The following DHX30 variants were observed in gnomAD, a reference collection of about 807,000 sequenced individuals.
DHX30 encodes DExH-box helicase 30, also known as ATP-dependent RNA helicase DHX30.
A neutral mutation model predicts 116.9 loss-of-function variants in DHX30; 4 were observed. That is an observed-to-expected ratio of 0.03 (90% CI 0.02 to 0.08). The LOEUF is 0.08. Ranked by LOEUF, DHX30 falls within the 10% of genes least tolerant of loss-of-function variation. The pLI is 1.00. For missense variants in DHX30, 871 were observed against 1,595.1 expected (o/e 0.55, Z 7.73); for synonymous variants, 697 against 651.7 (o/e 1.07, Z -1.06).
chr3:47,849,201 A>G lies in DHX30; in HGVS notation c.2939A>G (p.Lys980Arg), dbSNP rs2037856998. The change falls in exon 19 of 22, where the codon AAG (lysine) becomes AGG (arginine). Residue 980 changes from lysine to arginine, a missense_variant. Physicochemically the swap from Lys to Arg is conservative, Grantham distance 26 (BLOSUM62 2). This residue lies in a region of DHX30 where 238 missense variants were observed against 481.0 expected (regional missense o/e 0.49). Transcript: ENST00000445061. Reference sequence around the variant, plus strand: ...CATTCTGTCTCCCTAGGACTCATCAAGCAGTTCTCAGAGAACATTTATGAG... The same window carrying G: ...CATTCTGTCTCCCTAGGACTCATCAGGCAGTTCTCAGAGAACATTTATGAG... ...PSLRFIHGLIKQFSENIYEAF... is the reference protein window; with the variant it reads ...PSLRFIHGLIRQFSENIYEAF... 3 of 1,613,886 alleles carry G rather than the reference A, an allele frequency of 1.9e-6. No homozygotes were observed. Among genetic ancestry groups the G allele is most frequent in the African/African-American group, 1.3e-5 (1 of 74,956 alleles).
intron 3 of DHX30, 94 bp downstream of exon 3, chr3:47,810,805 T>C: frequency 7.6e-7 from 1 of 1,311,256 alleles, no homozygotes; most frequent in Non-Finnish European, 1.1e-6. Flanking sequence ...TATGTAGTTC[T>C]TGCACATTTC....
rs1458252810 is a variant in DHX30, at chr3:47,816,672, T to C, written c.29-1350T>C. On this transcript the variant is annotated intron_variant, in intron 3 of 21. Transcript: ENST00000445061. The stretch of plus-strand genomic sequence containing the variant: ...CGCCGGGCTACAAAGAGCCTTCTAA[T>C]GTGAGCAGAGCTGGCAGTTACCGAG... The C allele has an allele frequency of 6.1e-6, 6 of 985,452 alleles. No individual in the cohort carries two copies. In the Admixed American group the frequency reaches 2.5e-4, roughly 40 times the overall value. The allele number at this position is 985,452 out of a possible 1,614,324, so 61.0% of individuals were successfully genotyped here.
In DHX30 at chr3:47,841,125, C is replaced by G. The variant is rs370318161; in HGVS notation, c.615C>G (p.Thr205=). The G allele has an allele frequency of 7.1e-5, 114 of 1,614,018 alleles. No homozygotes were observed. Among genetic ancestry groups the G allele is most frequent in the Non-Finnish European group, 8.7e-5 (103 of 1,180,040 alleles). Residue 205 remains threonine, a synonymous_variant, in exon 7 of 22, where the codon ACC becomes ACG. Coordinates refer to ENST00000445061, the MANE Select transcript of DHX30 (RefSeq NM_138615.3). ...TAGAAGAAGGGACCATAGATGTTACCGACTTCTTGTCCATGACCCAGCAGG... is the reference window on the plus strand; with the variant it reads ...TAGAAGAAGGGACCATAGATGTTACGGACTTCTTGTCCATGACCCAGCAGG... ...EELEEGTIDV[T]DFLSMTQQDS...
chr3:47,836,654 G>C (rs926886827), intron 6 of DHX30, among the ~76,000 whole-genome samples: 1 of 152,104 alleles, frequency 6.6e-6, no homozygotes, highest in Non-Finnish European at 1.5e-5. Flanking sequence ...GAGTAGCTGG[G>C]ACTACAGGTG....
In DHX30 at chr3:47,819,303, G is replaced by A. The variant is rs372935373; in HGVS notation, c.124+1186G>A. ...AGAGTGTCAGATGTGCTTTGGCTAAGCTTGAAGACGGTTAGTCGGGGTTAA... is the reference window on the plus strand; with the variant it reads ...AGAGTGTCAGATGTGCTTTGGCTAAACTTGAAGACGGTTAGTCGGGGTTAA... On this transcript the variant is annotated intron_variant, in intron 4 of 21. Transcript: ENST00000445061. 5 of 1,366,892 alleles carry A rather than the reference G, an allele frequency of 3.7e-6. No individual in the cohort carries two copies. In the African/African-American group the frequency reaches 7.4e-5, roughly 20 times the overall value. 84.7% of individuals were successfully genotyped at this position (1,366,892 alleles called of 1,614,324 possible).
At position 47,849,034 on chromosome 3, in the gene DHX30, C is replaced by T; in HGVS notation, c.2884C>T (p.Leu962=). ...GGACCGCAGCTCCCGGGAGAATTAC[C>T]TGGAGGAAAACCTGCTGTACGCACC... ...WQDRSSRENY[L]EENLLYAPSL... is the part of the protein sequence containing the mutation. The change falls in exon 18 of 22, where the codon CTG becomes TTG. Residue 962 remains leucine, a synonymous_variant. Transcript: ENST00000445061. 2 of 1,613,332 alleles carry T rather than the reference C, an allele frequency of 1.2e-6. No individual in the cohort carries two copies. Among genetic ancestry groups the T allele is most frequent in the African/African-American group, 2.7e-5 (2 of 75,014 alleles).
intron 3 of DHX30, chr3:47,816,215 A>G (rs1216507882): frequency 2.0e-6 from 2 of 983,494 alleles, no homozygotes; most frequent in African/African-American, 3.5e-5. Context: ...TATGGGAAAA[A>G]TAGAATTGGG....
At chr3:47,823,305 G>A (rs965639468) in intron 4 of DHX30, among the ~76,000 whole-genome samples, 4 of 151,098 alleles carry the variant, frequency 2.6e-5, no homozygotes, top group Non-Finnish European at 5.9e-5. Flanking sequence ...CAACCAAACC[G>A]AGACAAAGAC....
At chr3:47,839,396 G>A (rs555812545) in intron 6 of DHX30, among the ~76,000 whole-genome samples, 2 of 149,678 alleles carry the variant, frequency 1.3e-5, no homozygotes, top group South Asian at 4.2e-4. Flanking sequence ...CCAGGTTCAA[G>A]TGATTCTCCT....
chr3:47,839,055 C>A (rs1239626183), intron 6 of DHX30, among the ~76,000 whole-genome samples: 1 of 151,536 alleles, frequency 6.6e-6, no homozygotes, highest in East Asian at 2.0e-4. Context: ...CTCTTATATT[C>A]CGAACTGCTT....
Position 47,849,395 on chromosome 3 carries a change from T to C in DHX30, c.3087+46T>C, listed in dbSNP as rs768473109. ...TGGAGTTCACCAGGTCCCAGCCTCC[T>C]TCCCTGTCTGCAGCTCCTTGCTCAG... is the stretch of plus-strand genomic sequence containing the variant. On this transcript the variant is annotated intron_variant, in intron 19 of 21. Coordinates refer to ENST00000445061, the MANE Select transcript of DHX30 (RefSeq NM_138615.3). 13 of 1,585,468 alleles carry C rather than the reference T, an allele frequency of 8.2e-6. No homozygotes were observed. The South Asian group carries it at 1.5e-4, about 18-fold the overall frequency.
At chr3:47,810,595 T>G (rs2035746615) in intron 2 of DHX30, 62 bp from the exon 3 acceptor site, 1 of 1,376,148 alleles carries the variant, frequency 7.3e-7, no homozygotes, top group Non-Finnish European at 1.0e-6. Flanking sequence ...TACTGAAGTC[T>G]TCTTTGTGGG....
chr3:47,816,234 A>G (rs1323206947), intron 3 of DHX30: 2 of 985,202 alleles, frequency 2.0e-6, no homozygotes, highest in Non-Finnish European at 1.2e-6. Flanking sequence ...GGCCAATGCA[A>G]CTGCAACTTT....
intron 5 of DHX30, 106 bp from the exon 6 acceptor site, chr3:47,828,918 G>T (rs2036676441): frequency 5.8e-6 from 4 of 687,722 alleles, no homozygotes; most frequent in Non-Finnish European, 1.1e-5. Context: ...CATTGCTGCT[G>T]TGAGGTCTGC....
At chr3:47,825,153 C>G in intron 4 of DHX30, 2 of 673,186 alleles carry the variant, frequency 3.0e-6, no homozygotes, top group South Asian at 3.1e-5. Context: ...TCTCTTCAAG[C>G]TGCGCCCACC....
Position 47,846,874 on chromosome 3 carries a change from G to A in DHX30, c.1802G>A (p.Arg601Gln), listed in dbSNP as rs777603452. The change falls in exon 11 of 22, where the codon CGA becomes CAA. Residue 601 changes from arginine to glutamine, a missense_variant. Arg to Gln is a conservative substitution (Grantham distance 43). Around this residue, in one of 13 missense-constraint regions of DHX30, gnomAD observed 61 missense variants for 106.7 expected, o/e 0.57. Coordinates refer to ENST00000445061, the MANE Select transcript of DHX30 (RefSeq NM_138615.3). ...SATGDNERFS[R>Q]YFGGCPVIKV... ...ACAGGGGACAATGAGCGCTTCTCCC[G>A]ATACTTTGGTGGCTGCCCCGTCATC... 1.2e-5 allele frequency: 19 copies of A among 1,612,584 alleles called. No individual in the cohort carries two copies. Among genetic ancestry groups the A allele is most frequent in the South Asian group, 5.5e-5 (5 of 91,040 alleles).
chr3:47,844,739 C>T (rs1256473985), intron 9 of DHX30, among the ~76,000 whole-genome samples: 2 of 152,138 alleles, frequency 1.3e-5, no homozygotes, highest in Non-Finnish European at 2.9e-5. Flanking sequence ...TACCCATGTG[C>T]GTGAGGTATT....
rs763522379 is a variant in DHX30, at chr3:47,848,712, G to T, written c.2664G>T (p.Val888=). Residue 888 remains valine (V), a synonymous_variant, in exon 17 of 22, where the codon GTG becomes GTT. Coordinates refer to ENST00000445061, the MANE Select transcript of DHX30 (RefSeq NM_138615.3). The surrounding 1 kb of genome is among the most constrained non-coding windows in gnomAD (Gnocchi z 9.4). ...ACCCCCGGTTGGCCAAGGCCATTGT[G>T]TTGGCTGCCATCTTCCGTTGCCTGC... is the stretch of plus-strand genomic sequence containing the variant. ...STDPRLAKAI[V]LAAIFRCLHP... The T allele has an allele frequency of 1.7e-5, 28 of 1,614,056 alleles. No individual in the cohort carries two copies. The highest frequency in any genetic ancestry group is 2.3e-5 in the Non-Finnish European group (27 of 1,180,022).
chr3:47,850,177 C>T lies in DHX30; in HGVS notation c.*57C>T. The T allele has an allele frequency of 6.7e-7, 1 of 1,489,858 alleles. No individual in the cohort carries two copies. Among genetic ancestry groups the T allele is most frequent in the Non-Finnish European group, 8.9e-7 (1 of 1,119,062 alleles). The allele number at this position is 1,489,858 out of a possible 1,614,324, so 92.3% of individuals were successfully genotyped here. A position where few individuals can be genotyped will look rare whatever the true frequency, so the allele number is the denominator to read the frequency against. ...GCAAATGTTTATTTAAAATAAAGTT[C>T]TATTTATCCCTTGTGACCACTGCTG... On this transcript the variant is annotated 3_prime_UTR_variant, in exon 22 of 22. Transcript: ENST00000445061.
Sources: allele counts gnomAD v4.1 joint callset (sites outside exome capture counted in the v4.1 genomes callset), GRCh38; gene constraint gnomAD v4.1.1; regional missense constraint gnomAD v4.1.1; non-coding constraint Gnocchi (gnomAD v3.1); transcripts MANE v1.5; gene names NCBI Gene and HGNC (gene_info 2026-07-23, HGNC 2026-07-21).